Variants in FNDC3A observed in about 807,000 individuals in gnomAD.
FNDC3A encodes the protein fibronectin type III domain containing 3A.
FNDC3A carries 32 observed loss-of-function variants against 148.9 expected under a neutral mutation model. The ratio of observed to expected loss-of-function variants is 0.21; its 90% CI spans 0.16 to 0.29. The LOEUF (loss-of-function observed/expected upper bound fraction) is 0.29, where lower values mean the gene tolerates loss of function less well. FNDC3A is among the 10% of genes least tolerant of loss of function. FNDC3A has a pLI of 1.00. For synonymous variants in FNDC3A, 472 were observed against 473.6 expected (o/e 1.00, Z 0.04); for missense variants, 1,191 against 1,452.8 (o/e 0.82, Z 2.93).
intron 7 of FNDC3A, among the ~76,000 whole-genome samples, chr13:49,141,321 A>G: frequency 6.6e-6 from 1 of 152,224 alleles, no homozygotes; most frequent in South Asian, 2.1e-4. Context: ...CATTTATTTC[A>G]GTGGATTTCA....
chr13:49,073,144 CA>C (rs1174534052), intron 2 of FNDC3A, among the ~76,000 whole-genome samples: 3 of 150,972 alleles, frequency 2.0e-5, no homozygotes, highest in Admixed American at 6.6e-5. Flanking sequence ...GAAGATAACA[CA>C]AAGGAAAACA....
At chr13:49,139,465 CT>C (rs1882569606) in intron 7 of FNDC3A, among the ~76,000 whole-genome samples, 1 of 152,132 alleles carries the variant, frequency 6.6e-6, no homozygotes, top group Non-Finnish European at 1.5e-5. Context: ...CCCAAAAATA[CT>C]TTGTTTTTCT....
intron 3 of FNDC3A, among the ~76,000 whole-genome samples, chr13:49,083,786 A>G (rs1878634084): frequency 2.6e-5 from 4 of 152,228 alleles, no homozygotes; most frequent in African/African-American, 9.6e-5. Context: ...GTTGTTTGTT[A>G]TAACAGTGTC....
intron 2 of FNDC3A, among the ~76,000 whole-genome samples, chr13:49,057,752 C>T (rs1033711426): frequency 6.6e-6 from 1 of 151,958 alleles, no homozygotes; most frequent in Non-Finnish European, 1.5e-5. Context: ...GGTATCTTGG[C>T]TTTAAAAATT....
At position 49,164,974 on chromosome 13, in the gene FNDC3A, G is replaced by A. The variant is rs567508543; in HGVS notation, c.978-2270G>A. Among the ~76,000 whole-genome samples the A allele has an allele frequency of 2.0e-5, 3 of 152,150 alleles. No individual in the cohort carries two copies. The South Asian group carries it at 6.2e-4, about 32-fold the overall frequency. On this transcript the variant is annotated intron_variant, in intron 8 of 25. Coordinates refer to ENST00000492622, the MANE Select transcript of FNDC3A (RefSeq NM_001079673.2). ...TTGTTGATGCTTTTGAATGTGTTTT[G>A]TATTCCATTTAATGAATTCTTCAGT...
chr13:49,201,329 C>CT (rs200055212), intron 23 of FNDC3A: 2,094 of 160,920 alleles, frequency 0.013, 41 homozygotes, highest in African/African-American at 0.046. Flanking sequence ...TGAGAATTCT[C>CT]TTTTTTCCAG....
At chr13:49,015,846 A>G (rs1249588697) in intron 2 of FNDC3A, among the ~76,000 whole-genome samples, 2 of 151,812 alleles carry the variant, frequency 1.3e-5, no homozygotes, top group Admixed American at 6.6e-5. Flanking sequence ...CCTTTTCTGC[A>G]TCTATTGAGA....
intron 2 of FNDC3A, among the ~76,000 whole-genome samples, chr13:49,024,137 T>TA (rs1214980705): frequency 2.0e-5 from 3 of 151,934 alleles, no homozygotes; most frequent in African/African-American, 7.2e-5. Flanking sequence ...AGGAAATCGA[T>TA]AAATTACTGG....
chr13:49,129,397 T>C (rs1881893687), intron 4 of FNDC3A, among the ~76,000 whole-genome samples: 1 of 152,240 alleles, frequency 6.6e-6, no homozygotes. Flanking sequence ...GTTGAATGAA[T>C]ATGAAGTACA....
intron 2 of FNDC3A, among the ~76,000 whole-genome samples, chr13:49,015,268 A>G (rs1952470946): frequency 6.6e-6 from 1 of 152,126 alleles, no homozygotes; most frequent in South Asian, 2.1e-4. Context: ...ATCCTCTTTT[A>G]TCTCCTTGAG....
chr13:49,168,016 TAG>T (rs1363563428), intron 9 of FNDC3A, among the ~76,000 whole-genome samples: 5 of 152,218 alleles, frequency 3.3e-5, no homozygotes, highest in Non-Finnish European at 7.3e-5. Flanking sequence ...AGGAAGAACT[TAG>T]ATAATGTTTT....
intron 2 of FNDC3A, among the ~76,000 whole-genome samples, chr13:49,020,338 AAGAG>A (rs1873227459): frequency 6.6e-6 from 1 of 152,208 alleles, no homozygotes; most frequent in Admixed American, 6.5e-5. Context: ...GAACAAAACT[AAGAG>A]AGGGGATAAA....
intron 8 of FNDC3A, among the ~76,000 whole-genome samples, chr13:49,161,859 C>T (rs1163525809): frequency 6.6e-6 from 1 of 152,144 alleles, no homozygotes; most frequent in African/African-American, 2.4e-5. Context: ...TTTTATTTCT[C>T]CTTCACTTAT....
intron 3 of FNDC3A, among the ~76,000 whole-genome samples, chr13:49,090,106 A>G (rs1373059862): frequency 2.0e-5 from 3 of 152,150 alleles, no homozygotes; most frequent in African/African-American, 4.8e-5. Context: ...AAGAGATGAG[A>G]AATTTGCCCA....
At chr13:48,981,836 GA>G (rs960166186) in intron 1 of FNDC3A, among the ~76,000 whole-genome samples, 9 of 109,132 alleles carry the variant, frequency 8.2e-5, no homozygotes, top group African/African-American at 2.7e-4. Flanking sequence ...AATGCTGGGG[GA>G]AAAAAAAGTG....
Position 49,190,178 on chromosome 13 carries a change from G to A in FNDC3A, c.1945-837G>A, listed in dbSNP as rs181659799. On this transcript the variant is annotated intron_variant, in intron 17 of 25. Transcript: ENST00000492622. ...TGGGATTACAGGTGTGAGCCACCGC[G>A]CCCGGCCCAGTGTGGCATTGTTTTT... Among the ~76,000 whole-genome samples the A allele has an allele frequency of 3.6e-3, 551 of 152,224 alleles. 4 individuals carry two copies. Among genetic ancestry groups the A allele is most frequent in the Non-Finnish European group, 5.0e-3 (342 of 68,002 alleles).
chr13:48,978,317 A>G (rs542836846), intron 1 of FNDC3A, among the ~76,000 whole-genome samples: 1 of 152,282 alleles, frequency 6.6e-6, no homozygotes, highest in Admixed American at 6.5e-5. Context: ...AAAAAGAGGG[A>G]ATGCATGATT....
intron 3 of FNDC3A, among the ~76,000 whole-genome samples, chr13:49,076,372 G>A (rs1381902921): frequency 6.6e-6 from 1 of 151,886 alleles, no homozygotes; most frequent in African/African-American, 2.4e-5. Flanking sequence ...AGCCTCCCAA[G>A]TGGCTGGGAT....
At chr13:49,199,316 C>T (rs1279412947) in intron 23 of FNDC3A, among the ~76,000 whole-genome samples, 1 of 151,456 alleles carries the variant, frequency 6.6e-6, no homozygotes, top group Non-Finnish European at 1.5e-5. Flanking sequence ...GCCACTGTGC[C>T]TGACCGAAAC....
Sources: allele counts gnomAD v4.1 joint callset (sites outside exome capture counted in the v4.1 genomes callset), GRCh38; gene constraint gnomAD v4.1.1; transcripts MANE v1.5; gene names NCBI Gene and HGNC (gene_info 2026-07-23, HGNC 2026-07-21).